Variants in PTPN11 observed in about 807,000 individuals in gnomAD.
PTPN11 encodes protein tyrosine phosphatase non-receptor type 11, also known as tyrosine-protein phosphatase non-receptor type 11.
A neutral mutation model predicts 78.8 loss-of-function variants in PTPN11; 6 were observed. The ratio of observed to expected loss-of-function variants is 0.08; its 90% CI spans 0.04 to 0.15. The LOEUF (loss-of-function observed/expected upper bound fraction) is 0.15. Ranked by LOEUF, PTPN11 falls within the 10% of genes least tolerant of loss-of-function variation. The pLI, the probability that PTPN11 is intolerant of heterozygous loss-of-function variation, is 1.00. For synonymous variants in PTPN11, 221 were observed against 263.5 expected (o/e 0.84, Z 1.56); for missense variants, 386 against 744.8 (o/e 0.52, Z 5.61).
At chr12:112,478,183 TTA>T (rs2038539109) in intron 9 of PTPN11, among the ~76,000 whole-genome samples, 168 bp downstream of exon 9, 1 of 152,082 alleles carries the variant, frequency 6.6e-6, no homozygotes, top group Non-Finnish European at 1.5e-5. Context: ...GTAGTTTTCT[TTA>T]TGTTTCTTCT....
chr12:112,472,813 C>T (rs1284779605), intron 6 of PTPN11, 131 bp from the exon 7 acceptor site: 7 of 834,968 alleles, frequency 8.4e-6, no homozygotes, highest in Non-Finnish European at 1.4e-5. Flanking sequence ...GATGAACATT[C>T]TTGTAGCTAT....
chr12:112,471,777 G>A (rs1301589244), intron 6 of PTPN11, among the ~76,000 whole-genome samples: 1 of 150,392 alleles, frequency 6.6e-6, no homozygotes, highest in Non-Finnish European at 1.5e-5. Context: ...TTTCGAGATG[G>A]AGTCTCCCTT....
rs377155043 is a variant in PTPN11, at chr12:112,432,219, CAG to C, written c.14+13095_14+13096del. ...TAGTATTGGCACAAGTGAGGGAAAA[CAG>C]GGGATTTCACACTCTATGCCCGTCC... On this transcript the variant is annotated intron_variant, in intron 1 of 15. Transcript: ENST00000351677. Among the ~76,000 whole-genome samples the C allele has an allele frequency of 2.1e-3, 313 of 152,218 alleles. 1 individual carries two copies. The highest frequency in any genetic ancestry group is 6.8e-3 in the Middle Eastern group (2 of 294).
At chr12:112,426,192 G>A (rs1343039953) in intron 1 of PTPN11, among the ~76,000 whole-genome samples, 3 of 152,134 alleles carry the variant, frequency 2.0e-5, no homozygotes, top group Non-Finnish European at 2.9e-5. Flanking sequence ...AAAGAGTAAA[G>A]CCTTTGCAGA....
intron 6 of PTPN11, among the ~76,000 whole-genome samples, chr12:112,461,258 G>A (rs1333546717): frequency 6.6e-6 from 1 of 151,438 alleles, no homozygotes; most frequent in Non-Finnish European, 1.5e-5. Context: ...CATTTGTTAG[G>A]TTGGCATATT....
intron 6 of PTPN11, among the ~76,000 whole-genome samples, chr12:112,458,789 T>A (rs2038202932): frequency 6.6e-6 from 1 of 152,044 alleles, no homozygotes. Flanking sequence ...TCTCAGCACT[T>A]TTAGAGGGTG....
Position 112,477,511 on chromosome 12 carries a change from C to T in PTPN11, c.854-140C>T, listed in dbSNP as rs561553800. 4.1e-5 allele frequency: 28 copies of T among 690,184 alleles called. No individual in the cohort carries two copies. The East Asian group carries it at 6.7e-4, about 16-fold the overall frequency. The allele number at this position is 690,184 out of a possible 1,614,324, so 42.8% of individuals were successfully genotyped here. A position where few individuals can be genotyped will look rare whatever the true frequency, so the allele number is the denominator to read the frequency against. The stretch of plus-strand genomic sequence containing the variant: ...AGTGTTCACGTTACTGTTTTGCTTA[C>T]CTGGGCTTTAATTTTTATGTGTTTT... On this transcript the variant is annotated intron_variant, in intron 7 of 15. Transcript: ENST00000351677.
chr12:112,474,909 G>A (rs1232561199), intron 7 of PTPN11, among the ~76,000 whole-genome samples: 1 of 151,784 alleles, frequency 6.6e-6, no homozygotes, highest in African/African-American at 2.4e-5. Context: ...GGGATTACAG[G>A]TGTGAACCAC....
intron 1 of PTPN11, among the ~76,000 whole-genome samples, chr12:112,430,760 G>A (rs2135834409): frequency 6.6e-6 from 1 of 151,122 alleles, no homozygotes; most frequent in East Asian, 1.9e-4. Context: ...TGGTGGAGAT[G>A]CGGTCTTACT....
intron 7 of PTPN11, among the ~76,000 whole-genome samples, chr12:112,476,340 C>G (rs2038502302): frequency 6.6e-6 from 1 of 152,172 alleles, no homozygotes; most frequent in Non-Finnish European, 1.5e-5. Flanking sequence ...ACATGGCTGT[C>G]TTACTAATTC....
chr12:112,448,354 C>T (rs753304433), intron 2 of PTPN11, among the ~76,000 whole-genome samples: 5 of 151,404 alleles, frequency 3.3e-5, no homozygotes, highest in East Asian at 3.9e-4. Context: ...GGGATTACAG[C>T]GCCTGGTGTA....
intron 7 of PTPN11, among the ~76,000 whole-genome samples, chr12:112,474,950 AATGCC>A (rs2038476482): frequency 6.6e-6 from 1 of 151,924 alleles, no homozygotes; most frequent in South Asian, 2.1e-4. Context: ...GTAACACCCA[AATGCC>A]ACCAGGCAAA....
At chr12:112,503,051 A>G (rs2038895228) in intron 14 of PTPN11, among the ~76,000 whole-genome samples, 1 of 152,242 alleles carries the variant, frequency 6.6e-6, no homozygotes, top group South Asian at 2.1e-4. Context: ...ACTACAGCTC[A>G]CAAGGCCAGA....
chr12:112,419,429 G>A (rs1311025340), intron 1 of PTPN11, among the ~76,000 whole-genome samples: 1 of 152,208 alleles, frequency 6.6e-6, no homozygotes, highest in East Asian at 1.9e-4. Flanking sequence ...CAGCGGCCAG[G>A]CTCAGCGCCG....
At chr12:112,491,171 C>T (rs947865128) in intron 13 of PTPN11, among the ~76,000 whole-genome samples, 4 of 151,358 alleles carry the variant, frequency 2.6e-5, no homozygotes, top group Admixed American at 6.6e-5. Context: ...AAAGTGCAAA[C>T]GAAGCAAGAT....
intron 1 of PTPN11, among the ~76,000 whole-genome samples, chr12:112,431,354 C>T (rs1353290488): frequency 6.6e-6 from 1 of 152,156 alleles, no homozygotes. Context: ...ATGATCACAC[C>T]ACTGCACTCC....
At chr12:112,470,862 C>T (rs2038404069) in intron 6 of PTPN11, among the ~76,000 whole-genome samples, 1 of 152,100 alleles carries the variant, frequency 6.6e-6, no homozygotes, top group Admixed American at 6.6e-5. Context: ...ACCTTAATAA[C>T]CTGTCTAAAC....
chr12:112,439,805 A>C (rs528309195), intron 1 of PTPN11, among the ~76,000 whole-genome samples: 28 of 151,726 alleles, frequency 1.8e-4, no homozygotes, highest in Admixed American at 5.9e-4. Context: ...ACAAAAACAA[A>C]AAAAAAAACC....
At chr12:112,485,656 T>G (rs1329144538) in intron 10 of PTPN11, among the ~76,000 whole-genome samples, 1 of 152,208 alleles carries the variant, frequency 6.6e-6, no homozygotes, top group African/African-American at 2.4e-5. Context: ...TTTTCTTATC[T>G]GCTTTGCATT....
Sources: gnomAD v4.1 joint callset for allele counts (sites outside exome capture counted in the v4.1 genomes callset) on GRCh38, gnomAD v4.1.1 for gene constraint, MANE v1.5 for transcripts, NCBI Gene and HGNC (gene_info 2026-07-23, HGNC 2026-07-21) for gene names.